THSD7B: variants seen among roughly 807,000 people sequenced by gnomAD.
THSD7B encodes the protein thrombospondin type 1 domain containing 7B.
THSD7B carries 138 observed loss-of-function variants against 213.6 expected under a neutral mutation model. The ratio of observed to expected loss-of-function variants is 0.65; its 90% CI spans 0.56 to 0.74. THSD7B has a LOEUF of 0.74. Among genes scored for constraint, THSD7B ranks in the 30% least tolerant of loss-of-function variants. THSD7B has a pLI of 0.00. For synonymous variants in THSD7B, 742 were observed against 687.0 expected (o/e 1.08, Z -1.25); for missense variants, 1,931 against 1,991.5 (o/e 0.97, Z 0.58).
At chr2:137,068,171 T>C (rs371187777) in intron 3 of THSD7B, among the ~76,000 whole-genome samples, 2 of 152,184 alleles carry the variant, frequency 1.3e-5, no homozygotes. Context: ...GATTTTCAGA[T>C]TGTTTAGCTT....
At chr2:136,838,904 G>C (rs1388363136) in intron 1 of THSD7B, among the ~76,000 whole-genome samples, 8 of 152,122 alleles carry the variant, frequency 5.3e-5, no homozygotes, top group Non-Finnish European at 1.0e-4. Context: ...TGTGAGCATG[G>C]GTTTCCTTAG....
chr2:137,332,829 G>A (rs1684546468), intron 12 of THSD7B, among the ~76,000 whole-genome samples: 1 of 152,168 alleles, frequency 6.6e-6, no homozygotes, highest in Admixed American at 6.5e-5. Context: ...CCTGTGAAGA[G>A]GTGCCTTCTG....
chr2:136,842,464 A>G (rs1046855688), intron 1 of THSD7B, among the ~76,000 whole-genome samples: 17 of 152,202 alleles, frequency 1.1e-4, no homozygotes, highest in African/African-American at 3.9e-4. Flanking sequence ...TTTAACAGAT[A>G]TTATCTTAGC....
intron 15 of THSD7B, among the ~76,000 whole-genome samples, chr2:137,517,220 G>T (rs182136957): frequency 4.6e-5 from 7 of 152,204 alleles, no homozygotes; most frequent in African/African-American, 1.7e-4. Flanking sequence ...CAACTCTCCA[G>T]CTTTGTGTCA....
chr2:137,241,305 G>A (rs2105064168), intron 9 of THSD7B, among the ~76,000 whole-genome samples: 1 of 152,236 alleles, frequency 6.6e-6, no homozygotes, highest in African/African-American at 2.4e-5. Flanking sequence ...GTGCTTTCCT[G>A]TTTTTCTTCT....
intron 3 of THSD7B, among the ~76,000 whole-genome samples, chr2:137,072,539 T>C (rs1469165270): frequency 6.6e-6 from 1 of 152,186 alleles, no homozygotes. Flanking sequence ...TACAATCATG[T>C]CATCTGCAAA....
At chr2:137,367,157 T>C (rs1225457263) in intron 12 of THSD7B, among the ~76,000 whole-genome samples, 1 of 152,154 alleles carries the variant, frequency 6.6e-6, no homozygotes, top group Non-Finnish European at 1.5e-5. Context: ...TACTGTGTTA[T>C]ACCAATGCAG....
chr2:137,568,301 T>G (rs936796333), intron 16 of THSD7B, among the ~76,000 whole-genome samples: 2 of 152,062 alleles, frequency 1.3e-5, no homozygotes, highest in African/African-American at 4.8e-5. Flanking sequence ...AGGTGATGAC[T>G]GAAGGGAGAT....
At chr2:137,397,615 A>C (rs982851689) in intron 12 of THSD7B, among the ~76,000 whole-genome samples, 2 of 149,676 alleles carry the variant, frequency 1.3e-5, no homozygotes, top group African/African-American at 2.4e-5. Context: ...CTTCATTTCA[A>C]CTTTGGTGAA....
intron 2 of THSD7B, among the ~76,000 whole-genome samples, chr2:136,933,184 G>A (rs1227914740): frequency 8.0e-6 from 1 of 124,350 alleles, no homozygotes; most frequent in African/African-American, 3.5e-5. Flanking sequence ...AACATTGACT[G>A]TTTCGTTTTT....
intron 2 of THSD7B, among the ~76,000 whole-genome samples, chr2:136,927,294 G>T (rs1317300052): frequency 4.2e-5 from 4 of 94,374 alleles, no homozygotes; most frequent in Non-Finnish European, 6.9e-5. Context: ...AACATTACCT[G>T]CTGAGTGAGC....
At chr2:137,111,133 C>T (rs906608557) in intron 4 of THSD7B, among the ~76,000 whole-genome samples, 1 of 152,176 alleles carries the variant, frequency 6.6e-6, no homozygotes, top group Non-Finnish European at 1.5e-5. Context: ...TAGGTGACCA[C>T]AGGGCTCTCA....
intron 1 of THSD7B, among the ~76,000 whole-genome samples, chr2:136,833,363 C>CAAAAAAA (rs10639590): frequency 2.7e-4 from 15 of 55,458 alleles, no homozygotes; most frequent in African/African-American, 8.4e-4. Context: ...GACTCCGTCT[C>CAAAAAAA]AAAAAAAAAA....
At chr2:137,597,296 T>C (rs1402187015) in intron 17 of THSD7B, among the ~76,000 whole-genome samples, 1 of 152,050 alleles carries the variant, frequency 6.6e-6, no homozygotes, top group Non-Finnish European at 1.5e-5. Flanking sequence ...CAAACAATAT[T>C]AGACCATGAA....
intron 7 of THSD7B, among the ~76,000 whole-genome samples, chr2:137,202,099 A>T (rs899092501): frequency 6.6e-6 from 1 of 152,168 alleles, no homozygotes; most frequent in African/African-American, 2.4e-5. Context: ...CTTTTGCAGA[A>T]GAGAGATTCT....
At chr2:137,356,429 CT>C (rs1685130381) in intron 12 of THSD7B, among the ~76,000 whole-genome samples, 1 of 152,132 alleles carries the variant, frequency 6.6e-6, no homozygotes, top group Non-Finnish European at 1.5e-5. Context: ...TACCATGCTT[CT>C]GAAGGAAAGC....
chr2:137,507,704 TTCTC>T (rs1679868947), intron 15 of THSD7B, among the ~76,000 whole-genome samples: 1 of 152,194 alleles, frequency 6.6e-6, no homozygotes, highest in East Asian at 1.9e-4. Flanking sequence ...CTCTTTTTCT[TTCTC>T]CTTTTTTCTG....
At chr2:137,500,478 G>A (rs182365871) in intron 15 of THSD7B, among the ~76,000 whole-genome samples, 69 of 152,200 alleles carry the variant, frequency 4.5e-4, no homozygotes, top group African/African-American at 1.4e-3. Flanking sequence ...GTGCCTAGAG[G>A]GTTGACACAC....
intron 2 of THSD7B, among the ~76,000 whole-genome samples, chr2:136,978,965 G>T (rs770221170): frequency 2.0e-5 from 3 of 151,578 alleles, no homozygotes; most frequent in Non-Finnish European, 2.9e-5. Flanking sequence ...TTCTTCAGGA[G>T]CTCTTGCAAG....
Sources: allele counts gnomAD v4.1 joint callset (sites outside exome capture counted in the v4.1 genomes callset), GRCh38; gene constraint gnomAD v4.1.1; transcripts MANE v1.5; gene names NCBI Gene and HGNC (gene_info 2026-07-23, HGNC 2026-07-21).